Variants in HDHD2 observed in about 807,000 individuals in gnomAD.
HDHD2 encodes the protein haloacid dehalogenase-like hydrolase domain-containing protein 2.
In HDHD2, 26 loss-of-function variants were observed where a neutral mutation model predicts 24.8. The observed-to-expected ratio is 1.05, with a 90% CI of 0.77 to 1.45. HDHD2 has a LOEUF of 1.45. Ranked by LOEUF, HDHD2 falls within the 40% of genes most tolerant of loss-of-function variation. The pLI, the probability that HDHD2 is intolerant of heterozygous loss-of-function variation, is 0.00. For missense variants in HDHD2, 299 were observed against 313.4 expected, an observed-to-expected ratio of 0.95 and a Z score of 0.35; for synonymous variants, 128 against 114.9, an observed-to-expected ratio of 1.11 and a Z score of -0.73.
Position 47,134,530 on chromosome 18 carries a change from C to T in HDHD2, c.276G>A (p.Leu92=). 6.2e-7 allele frequency: 1 copy of T among 1,614,152 alleles called. No homozygotes were observed. Among genetic ancestry groups the T allele is most frequent in the Non-Finnish European group, 8.5e-7 (1 of 1,180,008 alleles). ...CAGGTAGTGCCCGATCATCAACTAGCAGCATGGGTCTGACTTGTTTCCGCT... is the reference window on the plus strand; with the variant it reads ...CAGGTAGTGCCCGATCATCAACTAGTAGCATGGGTCTGACTTGTTTCCGCT... ...LLERKQVRPM[L]LVDDRALPDF... The change falls in exon 3 of 7, where the codon CTG becomes CTA. Residue 92 remains leucine (L), a synonymous_variant. Coordinates refer to ENST00000300605, the MANE Select transcript of HDHD2 (RefSeq NM_032124.5).
intron 2 of HDHD2, among the ~76,000 whole-genome samples, chr18:47,136,057 G>T (rs2073778988): frequency 6.6e-6 from 1 of 152,122 alleles, no homozygotes; most frequent in Non-Finnish European, 1.5e-5. Context: ...CCACATTGTA[G>T]ACTCTTGAGT....
In HDHD2 at chr18:47,107,980, C is replaced by T. The variant is rs2063487498; in HGVS notation, c.*702G>A. On this transcript the variant is annotated 3_prime_UTR_variant, in exon 7 of 7. Coordinates refer to ENST00000300605, the MANE Select transcript of HDHD2 (RefSeq NM_032124.5). Reference sequence around the variant, plus strand: ...ATTTTACATAAAATTTCCAAAACAACTGTTACACAGTATAATAGGTATCTG... The same window carrying T: ...ATTTTACATAAAATTTCCAAAACAATTGTTACACAGTATAATAGGTATCTG... 6.6e-6 allele frequency: 1 copy of T among 152,536 alleles called. No individual in the cohort carries two copies. The highest frequency in any genetic ancestry group is 2.1e-4 in the South Asian group (1 of 4,826). 9.4% of individuals were successfully genotyped at this position (152,536 alleles called of 1,614,324 possible).
intron 1 of HDHD2, among the ~76,000 whole-genome samples, chr18:47,148,797 C>T (rs369939200): frequency 1.3e-5 from 2 of 152,210 alleles, no homozygotes; most frequent in Non-Finnish European, 2.9e-5. Flanking sequence ...ATTTAAACAA[C>T]TTCTTAATTG....
At chr18:47,126,439 C>A (rs192186040) in intron 4 of HDHD2, among the ~76,000 whole-genome samples, 4 of 151,932 alleles carry the variant, frequency 2.6e-5, no homozygotes, top group Admixed American at 2.6e-4. Flanking sequence ...AGCAATCCAA[C>A]AGTCAACAAA....
intron 2 of HDHD2, 179 bp downstream of exon 2, chr18:47,136,160 G>T: frequency 1.4e-6 from 1 of 693,022 alleles, no homozygotes; most frequent in Non-Finnish European, 2.2e-6. Context: ...TAAAGGCTTA[G>T]AAAACAATGT....
intron 1 of HDHD2, among the ~76,000 whole-genome samples, chr18:47,148,490 A>G (rs976529674): frequency 1.3e-5 from 2 of 152,192 alleles, no homozygotes; most frequent in Non-Finnish European, 2.9e-5. Context: ...TAAACCACTG[A>G]CAGTGGTACA....
In HDHD2 at chr18:47,146,898, C is replaced by T. The variant is rs190897669; in HGVS notation, c.-11+3480G>A. Among the ~76,000 whole-genome samples, 555 of 152,218 alleles carry T rather than the reference C, an allele frequency of 3.6e-3. 2 individuals are homozygous for T. The highest frequency in any genetic ancestry group is 0.013 in the African/African-American group (533 of 41,536). ...AAGCAGATGCAAACCAAGAGGAGCG[C>T]AAAGGGAGCCTCTAAGGTCTGGCAA... On this transcript the variant is annotated intron_variant, in intron 1 of 6. Coordinates refer to ENST00000300605, the MANE Select transcript of HDHD2 (RefSeq NM_032124.5).
At chr18:47,117,308 A>G (rs763135001) in intron 4 of HDHD2, among the ~76,000 whole-genome samples, 2 of 152,178 alleles carry the variant, frequency 1.3e-5, no homozygotes, top group African/African-American at 4.8e-5. Context: ...TTAATTCCCA[A>G]TGCAACAGTG....
At chr18:47,111,631 C>T (rs2063517146) in intron 6 of HDHD2, 1 of 985,142 alleles carries the variant, frequency 1.0e-6, no homozygotes, top group African/African-American at 1.7e-5. Context: ...CGAAAAAATC[C>T]ACTGTGTTAA....
chr18:47,125,628 A>G (rs1489439606), intron 4 of HDHD2, among the ~76,000 whole-genome samples: 1 of 152,242 alleles, frequency 6.6e-6, no homozygotes, highest in Non-Finnish European at 1.5e-5. Flanking sequence ...ATAAATCTCA[A>G]AAGCAGACCA....
chr18:47,145,743 C>A (rs1327966613), intron 1 of HDHD2, among the ~76,000 whole-genome samples: 1 of 152,064 alleles, frequency 6.6e-6, no homozygotes, highest in Non-Finnish European at 1.5e-5. Flanking sequence ...AAGCACAAAC[C>A]ATTGAAGAAA....
At position 47,130,338 on chromosome 18, in the gene HDHD2, G is replaced by GAA. The variant is rs746142065; in HGVS notation, c.311-12_311-11dup. 37 of 1,412,298 alleles carry GAA rather than the reference G, an allele frequency of 2.6e-5. No homozygotes were observed. Among genetic ancestry groups the GAA allele is most frequent in the South Asian group, 6.8e-5 (5 of 73,532 alleles). The allele number at this position is 1,412,298 out of a possible 1,614,324, so 87.5% of individuals were successfully genotyped here. On this transcript the variant is annotated splice_polypyrimidine_tract_variant and intron_variant, in intron 3 of 6. Coordinates refer to ENST00000300605, the MANE Select transcript of HDHD2 (RefSeq NM_032124.5). ...TCACTTGTTTGTATTCCTGGGAACG[G>GAA]AAAAAAAAAATGATTGTTGCAAATG...
intron 1 of HDHD2, chr18:47,149,932 CCAA>C (rs1410906946): frequency 2.6e-5 from 4 of 152,576 alleles, no homozygotes; most frequent in African/African-American, 7.2e-5. Flanking sequence ...CTGGAAGGCC[CCAA>C]CAACAAACTC....
chr18:47,142,240 TAA>T (rs2063826154), intron 1 of HDHD2, among the ~76,000 whole-genome samples: 2 of 151,384 alleles, frequency 1.3e-5, no homozygotes, highest in Non-Finnish European at 2.9e-5. Flanking sequence ...AATATGAAAT[TAA>T]AGTTTTAGTT....
At position 47,117,290 on chromosome 18, in the gene HDHD2, T is replaced by C. The variant is rs114800025; in HGVS notation, c.396-1942A>G. Among the ~76,000 whole-genome samples, 1,130 of 152,296 alleles carry C rather than the reference T, an allele frequency of 7.4e-3. 9 individuals carry two copies. The highest frequency in any genetic ancestry group is 0.025 in the African/African-American group (1,040 of 41,558). ...GGCTTGTCCCCCCAAAATTTATCTG[T>C]TGGGAAATTAATTCCCAATGCAACA... On this transcript the variant is annotated intron_variant, in intron 4 of 6. Coordinates refer to ENST00000300605, the MANE Select transcript of HDHD2 (RefSeq NM_032124.5).
rs1318122761 is a variant in HDHD2 at position 47,113,067 on chromosome 18, G to A, written c.613-27C>T. Reference sequence around the variant, plus strand: ...TAGAAAAGCATAAAGAAAGCATTTAGTCCAGTGTCTTCAGTAAGCTAGCCA... The same window carrying A: ...TAGAAAAGCATAAAGAAAGCATTTAATCCAGTGTCTTCAGTAAGCTAGCCA... On this transcript the variant is annotated intron_variant, in intron 5 of 6. Coordinates refer to ENST00000300605, the MANE Select transcript of HDHD2 (RefSeq NM_032124.5). The A allele has an allele frequency of 3.1e-6, 5 of 1,603,998 alleles. No individual in the cohort carries two copies. In the South Asian group the frequency reaches 5.5e-5, roughly 18 times the overall value.
chr18:47,130,569 GCA>G (rs1244049382), intron 3 of HDHD2, among the ~76,000 whole-genome samples: 1 of 152,186 alleles, frequency 6.6e-6, no homozygotes, highest in Non-Finnish European at 1.5e-5. Context: ...TATTCCTTGT[GCA>G]CAGTCTTAAG....
chr18:47,147,801 C>T (rs1371271647), intron 1 of HDHD2, among the ~76,000 whole-genome samples: 1 of 152,126 alleles, frequency 6.6e-6, no homozygotes, highest in Non-Finnish European at 1.5e-5. Flanking sequence ...TTCCATAGAA[C>T]GTACCTTTTA....
At chr18:47,143,529 G>A (rs925211065) in intron 1 of HDHD2, among the ~76,000 whole-genome samples, 4 of 152,152 alleles carry the variant, frequency 2.6e-5, no homozygotes, top group African/African-American at 9.7e-5. Context: ...CAGTGTTCTA[G>A]TAGAGTTATT....
Sources: gnomAD v4.1 joint callset for allele counts (sites outside exome capture counted in the v4.1 genomes callset) on GRCh38, gnomAD v4.1.1 for gene constraint, MANE v1.5 for transcripts, NCBI Gene and HGNC (gene_info 2026-07-23, HGNC 2026-07-21) for gene names.